DHX8: variants seen among roughly 807,000 people sequenced by gnomAD.
DHX8 encodes DEAH-box helicase 8, also known as ATP-dependent RNA helicase DHX8.
Under a neutral mutation model 140.7 loss-of-function variants are expected in DHX8, and 67 were observed. The ratio of observed to expected loss-of-function variants is 0.48; its 90% confidence interval spans 0.39 to 0.58. The LOEUF (loss-of-function observed/expected upper bound fraction) is 0.58. Ranked by LOEUF, DHX8 falls within the 20% of genes least tolerant of loss-of-function variation. The pLI, the probability that DHX8 is intolerant of heterozygous loss-of-function variation, is 0.00. For synonymous variants in DHX8, 533 were observed against 553.2 expected, an observed-to-expected ratio of 0.96 and a Z score of 0.51; for missense variants, 887 against 1,550.7, an observed-to-expected ratio of 0.57 and a Z score of 7.19.
Position 43,524,281 on chromosome 17 carries a change from T to G in DHX8, c.*434T>G, listed in dbSNP as rs1970523876. On this transcript the variant is annotated 3_prime_UTR_variant, in exon 23 of 23. Transcript: ENST00000262415. The stretch of plus-strand genomic sequence containing the variant: ...CCGTCTCCAGCCCCTGTACTTTGGC[T>G]TGACCTCGTGGAAATATTTATTTTC... The G allele has an allele frequency of 9.9e-7, 1 of 1,009,106 alleles. No homozygotes were observed. Among genetic ancestry groups the G allele is most frequent in the Non-Finnish European group, 1.2e-6 (1 of 844,650 alleles). The allele number at this position is 1,009,106 out of a possible 1,614,324, so 62.5% of individuals were successfully genotyped here.
At chr17:43,538,774 C>T (rs1437911066) in intron 3 of DHX8, among the ~76,000 whole-genome samples, 1 of 152,108 alleles carries the variant, frequency 6.6e-6, no homozygotes, top group African/African-American at 2.4e-5. Flanking sequence ...TAGGGTGATG[C>T]AGTGGAACCT....
intron 10 of DHX8, 146 bp from the exon 11 acceptor site, chr17:43,499,810 G>A: frequency 1.2e-6 from 1 of 865,446 alleles, no homozygotes; most frequent in Non-Finnish European, 1.8e-6. Flanking sequence ...ATATGCTACG[G>A]TTTATCCATT....
intron 3 of DHX8, among the ~76,000 whole-genome samples, chr17:43,543,565 G>A (rs901967480): frequency 1.3e-5 from 2 of 152,238 alleles, no homozygotes; most frequent in Middle Eastern, 3.4e-3. Context: ...GAGAAATCAG[G>A]CACTGGGAAA....
At chr17:43,505,445 T>C (rs1424236434) in intron 12 of DHX8, among the ~76,000 whole-genome samples, 2 of 151,496 alleles carry the variant, frequency 1.3e-5, no homozygotes, top group Admixed American at 1.3e-4. Context: ...GGTCCATGCC[T>C]GTAATCCCAG....
At chr17:43,537,136 C>T (rs991288235) in intron 3 of DHX8, among the ~76,000 whole-genome samples, 2 of 152,070 alleles carry the variant, frequency 1.3e-5, no homozygotes, top group Admixed American at 6.5e-5. Flanking sequence ...GAAGTCAAGG[C>T]GGGTGGATCA....
At chr17:43,521,112 G>A (rs578077145) in intron 20 of DHX8, among the ~76,000 whole-genome samples, 63 of 151,892 alleles carry the variant, frequency 4.1e-4, no homozygotes, top group Non-Finnish European at 7.8e-4. Context: ...ACAGGCGTGC[G>A]CCACCGTGTG....
rs1431529131 is a variant in DHX8, at chr17:43,522,102, A to G, written c.3319A>G (p.Ile1107Val). The change falls in exon 22 of 23, where the codon ATC becomes GTC. Residue 1107 changes from isoleucine to valine, a missense_variant. Transcript: ENST00000262415. ...GKSTVRVQKA[I>V]CSGFFRNAAK... is the part of the protein sequence containing the mutation. Reference sequence around the variant, plus strand: ...GTCCACAGTCCGAGTGCAGAAGGCCATCTGCAGTGGGTTCTTCCGTAATGC... The same window carrying G: ...GTCCACAGTCCGAGTGCAGAAGGCCGTCTGCAGTGGGTTCTTCCGTAATGC... The G allele has an allele frequency of 6.2e-7, 1 of 1,614,110 alleles. No homozygotes were observed. The highest frequency in any genetic ancestry group is 2.2e-5 in the East Asian group (1 of 44,876).
At chr17:43,488,996 C>G (rs541497780) in intron 1 of DHX8, among the ~76,000 whole-genome samples, 60 of 151,892 alleles carry the variant, frequency 4.0e-4, no homozygotes, top group Middle Eastern at 6.8e-3. Flanking sequence ...CTCTTGTTTT[C>G]TTGTTTTGTT....
chr17:43,533,740 G>A (rs1166877269), intron 2 of DHX8: 1 of 1,346,442 alleles, frequency 7.4e-7, no homozygotes, highest in Non-Finnish European at 1.0e-6. Context: ...ACAAGTGCTA[G>A]AAAATCCTTT....
At chr17:43,519,557 G>C (rs1377503578) in intron 18 of DHX8, 2 of 146,280 alleles carry the variant, frequency 1.4e-5, no homozygotes, top group African/African-American at 5.1e-5. Flanking sequence ...TTATCATGTT[G>C]CCTAGGCTGG....
chr17:43,529,883 C>A (rs202040325), downstream of DHX8: 3 of 1,614,150 alleles, frequency 1.9e-6, no homozygotes, highest in Non-Finnish European at 2.5e-6. Context: ...ACTTCTCTGA[C>A]CTTCAAATTT....
At chr17:43,508,187 T>A in intron 15 of DHX8, 152 bp from the exon 16 acceptor site, 1 of 1,154,934 alleles carries the variant, frequency 8.7e-7, no homozygotes, top group Non-Finnish European at 1.2e-6. Flanking sequence ...GGTTATAATG[T>A]CATATATAAA....
chr17:43,524,407 T>C lies in DHX8; in HGVS notation c.*560T>C, dbSNP rs1970529544. The C allele has an allele frequency of 3.0e-6, 3 of 989,938 alleles. No homozygotes were observed. The South Asian group carries it at 1.4e-4, about 46-fold the overall frequency. 61.3% of individuals were successfully genotyped at this position (989,938 alleles called of 1,614,324 possible). ...TGAGGGAGATTTAGTATCTGTGCTC[T>C]GGCACACATGATGAGAATCCCCTGA... On this transcript the variant is annotated 3_prime_UTR_variant, in exon 23 of 23. Transcript: ENST00000262415.
At chr17:43,522,706 C>T (rs995566804) in intron 22 of DHX8, among the ~76,000 whole-genome samples, 1 of 139,542 alleles carries the variant, frequency 7.2e-6, no homozygotes, top group South Asian at 2.3e-4. Flanking sequence ...CGAAATCACC[C>T]ATTGCACTCC....
chr17:43,519,430 C>T (rs551002282), intron 18 of DHX8: 1 of 151,798 alleles, frequency 6.6e-6, no homozygotes, highest in East Asian at 1.9e-4. Context: ...AATGTCTATT[C>T]AAGCTCTGTG....
In DHX8 at chr17:43,484,006, G is replaced by A; in HGVS notation, c.-32G>A. On this transcript the variant is annotated 5_prime_UTR_variant, in exon 1 of 23. In the 5' UTR this introduces an upstream ATG that the reference lacks. Coordinates refer to ENST00000262415, the MANE Select transcript of DHX8 (RefSeq NM_004941.3). ...GCCGGAGTAGCTCTGAGCGCCGGCT[G>A]TGAGGAAGGAGGTTCTGGGCAAGCT... 6.2e-7 allele frequency: 1 copy of A among 1,612,634 alleles called. No homozygotes were observed. Among genetic ancestry groups the A allele is most frequent in the Non-Finnish European group, 8.5e-7 (1 of 1,179,112 alleles).
chr17:43,517,124 A>G, intron 17 of DHX8, 43 bp from the exon 18 acceptor site: 1 of 1,561,274 alleles, frequency 6.4e-7, no homozygotes, highest in Middle Eastern at 1.8e-4. Context: ...GCTGTTAAGC[A>G]GTGTTTAACA....
rs1396638629 is a variant in DHX8, at chr17:43,492,825, T to G, written c.648T>G (p.Asn216Lys). The change falls in exon 6 of 23, where the codon AAT (asparagine) becomes AAG (lysine). Residue 216 changes from asparagine to lysine, a missense_variant. Transcript: ENST00000262415. ...CACGTTCCAGGACCCGGGAGAGGAA[T>G]AAAGTGAAGTCTAGATATCGGTCCA... Reference protein sequence around the residue: ...SRSRSRTRERNKVKSRYRSRS... With the variant: ...SRSRSRTRERKKVKSRYRSRS... 6.2e-7 allele frequency: 1 copy of G among 1,613,818 alleles called. No individual in the cohort carries two copies. The highest frequency in any genetic ancestry group is 1.1e-5 in the South Asian group (1 of 91,068).
chr17:43,486,808 G>A (rs984945108), intron 1 of DHX8, among the ~76,000 whole-genome samples: 13 of 151,804 alleles, frequency 8.6e-5, no homozygotes, highest in African/African-American at 3.1e-4. Flanking sequence ...AACCTGGGAT[G>A]GGGAGGTTGC....
Sources: gnomAD v4.1 joint callset for allele counts (sites outside exome capture counted in the v4.1 genomes callset) on GRCh38, gnomAD v4.1.1 for gene constraint, MANE v1.5 for transcripts, NCBI Gene and HGNC (gene_info 2026-07-23, HGNC 2026-07-21) for gene names.